The following CLINT1 variants were observed in gnomAD, a reference collection of about 807,000 sequenced individuals.
CLINT1 encodes the protein clathrin interactor 1.
In CLINT1, 15 loss-of-function variants were observed where a neutral mutation model predicts 70.4. The observed-to-expected ratio is 0.21, with a 90% CI of 0.14 to 0.33. The LOEUF is 0.33. Among genes scored for constraint, CLINT1 ranks in the 10% least tolerant of loss-of-function variants. CLINT1 has a pLI of 1.00. For synonymous variants in CLINT1, 227 were observed against 254.7 expected, an observed-to-expected ratio of 0.89 and a Z score of 1.04; for missense variants, 615 against 778.1, an observed-to-expected ratio of 0.79 and a Z score of 2.49.
In CLINT1 at chr5:157,785,881, G is replaced by A. The variant is rs1761708168; in HGVS notation, c.*1765C>T. ...CATATTCTACTATGCGGCCACCAGA[G>A]GCTGGCTTGATTGCTCTGAAGTAAC... On this transcript the variant is annotated 3_prime_UTR_variant, in exon 12 of 12. Coordinates refer to ENST00000411809, the MANE Select transcript of CLINT1 (RefSeq NM_014666.4). The A allele has an allele frequency of 6.6e-6, 1 of 152,168 alleles. No individual in the cohort carries two copies. The highest frequency in any genetic ancestry group is 1.5e-5 in the Non-Finnish European group (1 of 68,006). The allele number at this position is 152,168 out of a possible 1,614,324, so 9.4% of individuals were successfully genotyped here.
At chr5:157,842,019 T>C (rs561563767) in intron 1 of CLINT1, among the ~76,000 whole-genome samples, 8 of 152,248 alleles carry the variant, frequency 5.3e-5, no homozygotes, top group Non-Finnish European at 7.3e-5. Context: ...GCAGTCATTC[T>C]TCCACTAACT....
At chr5:157,839,281 A>G (rs1318778016) in intron 1 of CLINT1, among the ~76,000 whole-genome samples, 1 of 152,074 alleles carries the variant, frequency 6.6e-6, no homozygotes, top group Non-Finnish European at 1.5e-5. Context: ...ACTCAAAAGA[A>G]AAGTATCATC....
intron 1 of CLINT1, among the ~76,000 whole-genome samples, chr5:157,846,968 T>C (rs1361637513): frequency 6.6e-6 from 1 of 152,212 alleles, no homozygotes; most frequent in Non-Finnish European, 1.5e-5. Context: ...TTATTTCACA[T>C]GGACAAGGAG....
intron 1 of CLINT1, among the ~76,000 whole-genome samples, chr5:157,841,449 C>A (rs1288656576): frequency 6.6e-6 from 1 of 151,932 alleles, no homozygotes; most frequent in Non-Finnish European, 1.5e-5. Context: ...ACCTGTAGTC[C>A]CAGCCACTCG....
At chr5:157,798,215 A>G (rs548425933) in intron 8 of CLINT1, among the ~76,000 whole-genome samples, 28 of 152,342 alleles carry the variant, frequency 1.8e-4, no homozygotes, top group African/African-American at 6.7e-4. Flanking sequence ...GCATTTTCCC[A>G]GAAAACTTCT....
At chr5:157,817,028 C>T (rs771121438) in intron 2 of CLINT1, among the ~76,000 whole-genome samples, 198 bp from the exon 3 acceptor site, 1 of 152,124 alleles carries the variant, frequency 6.6e-6, no homozygotes, top group Non-Finnish European at 1.5e-5. Flanking sequence ...GTAAGCCCCA[C>T]TAATTAATCA....
At chr5:157,855,142 GAA>G (rs1554103602) in intron 1 of CLINT1, among the ~76,000 whole-genome samples, 1 of 25,952 alleles carries the variant, frequency 3.9e-5, no homozygotes, top group Non-Finnish European at 8.3e-5. Flanking sequence ...AACTGTCTCC[GAA>G]AAAAAAAAAA....
chr5:157,830,346 A>C (rs891794348), intron 1 of CLINT1, among the ~76,000 whole-genome samples: 7 of 152,058 alleles, frequency 4.6e-5, no homozygotes, highest in Non-Finnish European at 4.4e-5. Flanking sequence ...TACCTAATGA[A>C]TAGGTTTTCC....
chr5:157,830,329 T>C (rs1255691192), intron 1 of CLINT1, among the ~76,000 whole-genome samples: 1 of 152,206 alleles, frequency 6.6e-6, no homozygotes, highest in Non-Finnish European at 1.5e-5. Context: ...TGTTATTTCT[T>C]ATTTTTTACC....
At chr5:157,835,038 G>A (rs1275514218) in intron 1 of CLINT1, among the ~76,000 whole-genome samples, 1 of 152,130 alleles carries the variant, frequency 6.6e-6, no homozygotes. Flanking sequence ...ATTCCCATCC[G>A]AGGTCAAACA....
chr5:157,813,863 T>C (rs946497845), intron 4 of CLINT1, among the ~76,000 whole-genome samples: 1 of 152,216 alleles, frequency 6.6e-6, no homozygotes, highest in Admixed American at 6.5e-5. Flanking sequence ...GATGTGTGTG[T>C]TTTGGAGCTC....
chr5:157,824,435 T>C (rs1342703880), intron 1 of CLINT1, among the ~76,000 whole-genome samples: 2 of 152,090 alleles, frequency 1.3e-5, no homozygotes, highest in Non-Finnish European at 2.9e-5. Flanking sequence ...TCTATAGAAA[T>C]GATGTGGGGA....
rs1354149727 is a variant in CLINT1 at position 157,830,790 on chromosome 5, C to CTATATATA, written c.42-13244_42-13243insTATATATA. ...TCTCTCTCTCTCTCTCTCTCTCTCT[C>CTATATATA]TCTCTCTATATATATATATATATAT... On this transcript the variant is annotated intron_variant, in intron 1 of 11. Transcript: ENST00000411809. Among the ~76,000 whole-genome samples, 10 of 124,202 alleles carry CTATATATA rather than the reference C, an allele frequency of 8.1e-5. 1 individual carries two copies. Among genetic ancestry groups the CTATATATA allele is most frequent in the African/African-American group, 3.2e-4 (10 of 31,410 alleles). 81.5% of individuals were successfully genotyped at this position (124,202 alleles called of 152,430 possible).
chr5:157,848,143 C>T (rs1376348543), intron 1 of CLINT1, among the ~76,000 whole-genome samples: 4 of 150,924 alleles, frequency 2.7e-5, no homozygotes, highest in Admixed American at 6.6e-5. Context: ...CTCGCTCTGT[C>T]GCCCAGGCTG....
Position 157,813,334 on chromosome 5 carries a change from A to G in CLINT1, c.353-107T>C, listed in dbSNP as rs1444384264. 1.1e-5 allele frequency: 11 copies of G among 1,041,202 alleles called. No homozygotes were observed. The East Asian group carries it at 1.3e-4, about 12-fold the overall frequency. 64.5% of individuals were successfully genotyped at this position (1,041,202 alleles called of 1,614,324 possible). On this transcript the variant is annotated intron_variant, in intron 4 of 11. Coordinates refer to ENST00000411809, the MANE Select transcript of CLINT1 (RefSeq NM_014666.4). The stretch of plus-strand genomic sequence containing the variant: ...AAAAACTTCAACATAAGAAACTTCA[A>G]TATTTAAAAAACAATAGAAAGGGGC...
intron 1 of CLINT1, among the ~76,000 whole-genome samples, chr5:157,833,307 T>C (rs1187008): frequency 0.13 from 20,263 of 151,024 alleles, 1,787 homozygotes; most frequent in African/African-American, 0.25. Flanking sequence ...GCCGAGATCA[T>C]GCCAATGCAC....
At chr5:157,848,069 A>C (rs1263788218) in intron 1 of CLINT1, among the ~76,000 whole-genome samples, 1 of 152,142 alleles carries the variant, frequency 6.6e-6, no homozygotes, top group Non-Finnish European at 1.5e-5. Flanking sequence ...GAACTCCCAA[A>C]GTACTGGGAT....
Position 157,817,386 on chromosome 5 carries a change from T to A in CLINT1, c.146+57A>T, listed in dbSNP as rs1448026213. ...TTAAATCTGAAAGCAAATTTCATAT[T>A]TCTGTGTTAAGATGCTTTGATTTTT... On this transcript the variant is annotated intron_variant, in intron 2 of 11. Transcript: ENST00000411809. 1.3e-5 allele frequency: 14 copies of A among 1,077,992 alleles called. No homozygotes were observed. The East Asian group carries it at 3.4e-4, about 26-fold the overall frequency. 66.8% of individuals were successfully genotyped at this position (1,077,992 alleles called of 1,614,324 possible). A position where few individuals can be genotyped will look rare whatever the true frequency, so the allele number is the denominator to read the frequency against.
At position 157,846,651 on chromosome 5, in the gene CLINT1, A is replaced by G. The variant is rs143113101; in HGVS notation, c.41+12279T>C. 5.6e-3 allele frequency among the ~76,000 whole-genome samples: 853 copies of G among 152,346 alleles called. 8 individuals carry two copies. The highest frequency in any genetic ancestry group is 0.019 in the African/African-American group (807 of 41,576). ...CTAAACAGATTTTCAATGGAGATGA[A>G]ACGGCCTTCCAGTGGAAGATGCCAT... is the stretch of plus-strand genomic sequence containing the variant. On this transcript the variant is annotated intron_variant, in intron 1 of 11. Coordinates refer to ENST00000411809, the MANE Select transcript of CLINT1 (RefSeq NM_014666.4).
Sources: allele counts gnomAD v4.1 joint callset (sites outside exome capture counted in the v4.1 genomes callset), GRCh38; gene constraint gnomAD v4.1.1; transcripts MANE v1.5; gene names NCBI Gene and HGNC (gene_info 2026-07-23, HGNC 2026-07-21).